The following TAFA1 variants were observed in gnomAD, a reference collection of about 807,000 sequenced individuals.
TAFA1 encodes chemokine-like protein TAFA-1.
In TAFA1, 4 loss-of-function variants were observed where a neutral mutation model predicts 18.5. That is an observed-to-expected ratio of 0.22 (90% confidence interval 0.11 to 0.49). The LOEUF (loss-of-function observed/expected upper bound fraction) is 0.49. Among genes scored for constraint, TAFA1 ranks in the 20% least tolerant of loss-of-function variants. The pLI is 0.98. For synonymous variants in TAFA1, 56 were observed against 55.2 expected (o/e 1.01, Z -0.06); for missense variants, 147 against 169.0 (o/e 0.87, Z 0.72).
At chr3:68,055,665 TAAG>T (rs1422677246) in intron 2 of TAFA1, among the ~76,000 whole-genome samples, 3 of 152,134 alleles carry the variant, frequency 2.0e-5, no homozygotes, top group African/African-American at 7.2e-5. Context: ...TGCTATATTC[TAAG>T]AATAAGATGT....
intron 2 of TAFA1, among the ~76,000 whole-genome samples, chr3:68,111,784 G>GAC (rs1171775167): frequency 6.7e-6 from 1 of 149,470 alleles, no homozygotes; most frequent in Non-Finnish European, 1.5e-5. Context: ...ATGAGAAAGA[G>GAC]AGAGAGAGAG....
At position 68,286,597 on chromosome 3, in the gene TAFA1, A is replaced by C. The variant is rs1377060196; in HGVS notation, c.119-130683A>C. Among the ~76,000 whole-genome samples the C allele has an allele frequency of 2.6e-5, 4 of 152,312 alleles. No homozygotes were observed. In the East Asian group the frequency reaches 7.7e-4, roughly 29 times the overall value. The stretch of plus-strand genomic sequence containing the variant: ...ATTGAGAGGAGGAAAAACACCCAAG[A>C]AAGTTAGGAATTGCAAAAACCATCT... On this transcript the variant is annotated intron_variant, in intron 2 of 4. Transcript: ENST00000478136.
At chr3:68,272,823 T>A (rs889687015) in intron 2 of TAFA1, among the ~76,000 whole-genome samples, 7 of 152,170 alleles carry the variant, frequency 4.6e-5, no homozygotes, top group Non-Finnish European at 1.0e-4. Context: ...CAGAAACTAC[T>A]AAAACATTAA....
intron 3 of TAFA1, among the ~76,000 whole-genome samples, chr3:68,485,777 T>C (rs144199727): frequency 6.6e-6 from 1 of 152,300 alleles, no homozygotes; most frequent in East Asian, 1.9e-4. Context: ...TCTAGGAAAT[T>C]TTAAATACTA....
intron 2 of TAFA1, among the ~76,000 whole-genome samples, chr3:68,366,354 A>C (rs754972697): frequency 6.6e-6 from 1 of 152,160 alleles, no homozygotes; most frequent in African/African-American, 2.4e-5. Flanking sequence ...GTGAAGGAAA[A>C]CAGCTTGAAA....
rs200435199 is a variant in TAFA1, at chr3:68,126,915, G to A, written c.118+120171G>A. Among the ~76,000 whole-genome samples the A allele has an allele frequency of 1.4e-4, 21 of 152,272 alleles. No individual in the cohort carries two copies. The East Asian group carries it at 1.9e-3, about 14-fold the overall frequency. On this transcript the variant is annotated intron_variant, in intron 2 of 4. Coordinates refer to ENST00000478136, the MANE Select transcript of TAFA1 (RefSeq NM_213609.4). ...ACGACCTCTTCAAGGCAATGGGTTCGTAATTTCATCTTTTCTAGAGGAAAA... is the reference window on the plus strand; with the variant it reads ...ACGACCTCTTCAAGGCAATGGGTTCATAATTTCATCTTTTCTAGAGGAAAA...
At chr3:68,199,447 G>T (rs1285176015) in intron 2 of TAFA1, among the ~76,000 whole-genome samples, 1 of 151,378 alleles carries the variant, frequency 6.6e-6, no homozygotes, top group Non-Finnish European at 1.5e-5. Flanking sequence ...AGATCAAGCT[G>T]GGAACACCTG....
intron 2 of TAFA1, among the ~76,000 whole-genome samples, chr3:68,216,190 A>T (rs891077937): frequency 6.6e-6 from 1 of 152,044 alleles, no homozygotes; most frequent in Non-Finnish European, 1.5e-5. Context: ...AGCAGAGAAG[A>T]TTTTTTTAAA....
intron 2 of TAFA1, among the ~76,000 whole-genome samples, chr3:68,077,885 G>T (rs979205195): frequency 6.6e-6 from 1 of 151,764 alleles, no homozygotes; most frequent in East Asian, 1.9e-4. Flanking sequence ...CATTGAATCT[G>T]TAAATTACCT....
chr3:68,370,343 T>C (rs1440990592), intron 2 of TAFA1, among the ~76,000 whole-genome samples: 28 of 58,818 alleles, frequency 4.8e-4, no homozygotes, highest in African/African-American at 1.8e-3. Context: ...TATATATATA[T>C]ATATATATAT....
At chr3:68,390,847 T>C (rs1358190781) in intron 2 of TAFA1, among the ~76,000 whole-genome samples, 3 of 152,094 alleles carry the variant, frequency 2.0e-5, no homozygotes, top group Non-Finnish European at 2.9e-5. Flanking sequence ...AGAAACTGCA[T>C]CTGAAGGTCA....
chr3:68,370,359 CACACACACAT>C (rs1265226067), intron 2 of TAFA1, among the ~76,000 whole-genome samples: 1 of 58,256 alleles, frequency 1.7e-5, no homozygotes, highest in Non-Finnish European at 3.3e-5. Context: ...TATATACACA[CACACACACAT>C]ATATATATAC....
At chr3:68,505,482 A>C (rs2072731849) in intron 3 of TAFA1, among the ~76,000 whole-genome samples, 1 of 152,162 alleles carries the variant, frequency 6.6e-6, no homozygotes, top group South Asian at 2.1e-4. Context: ...TTAGTAACTC[A>C]AAATGTTTGT....
intron 2 of TAFA1, among the ~76,000 whole-genome samples, chr3:68,221,082 A>G (rs1466151269): frequency 1.3e-5 from 2 of 152,194 alleles, no homozygotes; most frequent in Non-Finnish European, 2.9e-5. Flanking sequence ...AGCTCAGGGA[A>G]GTAAAGCCTC....
At chr3:68,187,559 T>G (rs2066286605) in intron 2 of TAFA1, among the ~76,000 whole-genome samples, 1 of 151,988 alleles carries the variant, frequency 6.6e-6, no homozygotes, top group South Asian at 2.1e-4. Flanking sequence ...CAGGACAAAT[T>G]TTAGAAATCC....
intron 2 of TAFA1, among the ~76,000 whole-genome samples, chr3:68,331,382 CTG>C (rs1184717522): frequency 6.6e-6 from 1 of 152,080 alleles, no homozygotes; most frequent in African/African-American, 2.4e-5. Flanking sequence ...TTTTGCATCA[CTG>C]TGAATGTACT....
At chr3:68,261,813 G>T (rs2067428822) in intron 2 of TAFA1, among the ~76,000 whole-genome samples, 1 of 151,902 alleles carries the variant, frequency 6.6e-6, no homozygotes, top group South Asian at 2.1e-4. Context: ...TATACTTAAT[G>T]CTAAATGACG....
At chr3:68,178,471 G>T (rs947260653) in intron 2 of TAFA1, among the ~76,000 whole-genome samples, 3 of 152,160 alleles carry the variant, frequency 2.0e-5, no homozygotes, top group Non-Finnish European at 4.4e-5. Flanking sequence ...CAAGCAAGGG[G>T]TTAAGATGGA....
At chr3:68,499,417 CT>C (rs1235853965) in intron 3 of TAFA1, among the ~76,000 whole-genome samples, 1 of 127,958 alleles carries the variant, frequency 7.8e-6, no homozygotes, top group Non-Finnish European at 1.7e-5. Context: ...TAGCTTGCTT[CT>C]TTGTTTTCTT....
Sources: gnomAD v4.1 joint callset for allele counts (sites outside exome capture counted in the v4.1 genomes callset) on GRCh38, gnomAD v4.1.1 for gene constraint, MANE v1.5 for transcripts, NCBI Gene and HGNC (gene_info 2026-07-23, HGNC 2026-07-21) for gene names.